The following MYH11 variants were observed in gnomAD, a reference collection of about 807,000 sequenced individuals.
MYH11 encodes the protein myosin-11.
A neutral mutation model predicts 246.6 loss-of-function variants in MYH11; 80 were observed. That is an observed-to-expected ratio of 0.32 (90% CI 0.27 to 0.39). The LOEUF (loss-of-function observed/expected upper bound fraction) is 0.39, where lower values mean the gene tolerates loss of function less well. MYH11 is among the 10% of genes least tolerant of loss of function. The pLI, the probability that MYH11 is intolerant of heterozygous loss-of-function variation, is 1.00. For missense variants in MYH11, 2,158 were observed against 2,546.8 expected (o/e 0.85, Z 3.29); for synonymous variants, 1,071 against 1,015.5 (o/e 1.05, Z -1.04).
chr16:15,763,760 C>CCAAAA, intron 10 of MYH11, 36 bp downstream of exon 10: 2 of 1,192,084 alleles, frequency 1.7e-6, no homozygotes, highest in Non-Finnish European at 2.5e-6. Context: ...CCCCCAACCC[C>CCAAAA]AAAGTCATTG....
rs777535864 is a variant in MYH11 at position 15,753,453 on chromosome 16, T to C, written c.1805A>G (p.Asn602Ser). The C allele has an allele frequency of 1.1e-5, 17 of 1,614,136 alleles. No individual in the cohort carries two copies. The highest frequency in any genetic ancestry group is 1.7e-5 in the Admixed American group (1 of 60,024). The change falls in exon 15 of 41, where the codon AAC becomes AGC. Residue 602 changes from asparagine to serine, a missense_variant. Transcript: ENST00000300036. ...GGAGGCATTGAGCAGGGAAGTCACG[T>C]TGTCATTCAGCGGGTCCATATTCTT... ...LTKNMDPLNDNVTSLLNASSD... is the reference protein window; with the variant it reads ...LTKNMDPLNDSVTSLLNASSD...
intron 16 of MYH11, chr16:15,749,157 T>G (rs1438876535): frequency 2.0e-5 from 3 of 151,280 alleles, no homozygotes. Flanking sequence ...TCCTTTTTTT[T>G]TTTTTTTTTT....
chr16:15,777,710 C>T (rs1434630454), intron 7 of MYH11, among the ~76,000 whole-genome samples: 3 of 152,060 alleles, frequency 2.0e-5, no homozygotes, highest in South Asian at 2.1e-4. Context: ...ATTGAGTTAA[C>T]GCAATAGCCA....
chr16:15,813,115 T>C (rs1417432028), intron 3 of MYH11, among the ~76,000 whole-genome samples: 4 of 151,280 alleles, frequency 2.6e-5, no homozygotes, highest in Non-Finnish European at 4.4e-5. Flanking sequence ...TGCAGTGAGC[T>C]GAGATCGTGC....
chr16:15,771,037 C>T (rs1459424445), intron 9 of MYH11, among the ~76,000 whole-genome samples: 1 of 151,814 alleles, frequency 6.6e-6, no homozygotes, highest in Non-Finnish European at 1.5e-5. Flanking sequence ...CTCCATCTCC[C>T]AAGCTGGAGT....
chr16:15,778,949 C>T, intron 6 of MYH11, 106 bp from the exon 7 acceptor site: 2 of 1,109,080 alleles, frequency 1.8e-6, no homozygotes, highest in Non-Finnish European at 2.8e-6. Flanking sequence ...GGAGGTGGGG[C>T]GGGGAGATTC....
intron 40 of MYH11, among the ~76,000 whole-genome samples, chr16:15,705,114 A>T (rs1035121430): frequency 1.3e-5 from 2 of 152,102 alleles, no homozygotes; most frequent in African/African-American, 4.8e-5. Flanking sequence ...AGTAGCTGGG[A>T]CTACATGCAC....
In MYH11 at chr16:15,758,108, C is replaced by G; in HGVS notation, c.1402-108G>C. 4 of 1,509,782 alleles carry G rather than the reference C, an allele frequency of 2.6e-6. No individual in the cohort carries two copies. The South Asian group carries it at 4.5e-5, about 17-fold the overall frequency. 93.5% of individuals were successfully genotyped at this position (1,509,782 alleles called of 1,614,324 possible). A position where few individuals can be genotyped will look rare whatever the true frequency, so the allele number is the denominator to read the frequency against. Reference sequence around the variant, plus strand: ...CAGCGCCCCCATGGCCCGCCCACATCCTGTTCTGCCATCCCAGCACCCAGA... The same window carrying G: ...CAGCGCCCCCATGGCCCGCCCACATGCTGTTCTGCCATCCCAGCACCCAGA... On this transcript the variant is annotated intron_variant, in intron 12 of 40. Coordinates refer to ENST00000300036, the MANE Select transcript of MYH11 (RefSeq NM_002474.3).
chr16:15,730,250 AG>A (rs2040920512), intron 27 of MYH11, among the ~76,000 whole-genome samples: 1 of 151,484 alleles, frequency 6.6e-6, no homozygotes, highest in African/African-American at 2.4e-5. Flanking sequence ...ACCCAATCTC[AG>A]GGTGGTGCAG....
Position 15,729,068 on chromosome 16 carries a change from C to T in MYH11, c.3652-2014G>A, listed in dbSNP as rs896838255. Among the ~76,000 whole-genome samples the T allele has an allele frequency of 7.2e-5, 11 of 151,944 alleles. No individual in the cohort carries two copies. The South Asian group carries it at 8.4e-4, about 12-fold the overall frequency. On this transcript the variant is annotated intron_variant, in intron 27 of 40. Coordinates refer to ENST00000300036, the MANE Select transcript of MYH11 (RefSeq NM_002474.3). ...CGTTGACCGGTCAGCCCTGGATGCC[C>T]GTCCTCCCTCCAAGACATGACTAAG...
chr16:15,710,481 A>G (rs1191771892), intron 40 of MYH11, among the ~76,000 whole-genome samples: 2 of 152,118 alleles, frequency 1.3e-5, no homozygotes, highest in Non-Finnish European at 2.9e-5. Flanking sequence ...AGATCGCGCC[A>G]CTGCACTCCA....
chr16:15,741,881 A>C lies in MYH11; in HGVS notation c.2531T>G (p.Leu844Arg). The C allele has an allele frequency of 6.2e-7, 1 of 1,614,212 alleles. No individual in the cohort carries two copies. The highest frequency in any genetic ancestry group is 8.5e-7 in the Non-Finnish European group (1 of 1,180,034). The change falls in exon 21 of 41, where the codon CTG (leucine) becomes CGG (arginine). Residue 844 changes from leucine (L) to arginine (R), a missense_variant. Physicochemically the swap from Leu to Arg is moderately radical, Grantham distance 102 (BLOSUM62 -2). Coordinates refer to ENST00000300036, the MANE Select transcript of MYH11 (RefSeq NM_002474.3). Reference protein sequence around the residue: ...WWRLFTKVKPLLQVTRQEEEM... With the variant: ...WWRLFTKVKPRLQVTRQEEEM... ...CTCCTCCTGCCGTGTCACCTGCAGC[A>C]GTGGCTTCACCTGCACACACACGGT...
chr16:15,764,135 C>T (rs1567740303), intron 9 of MYH11, among the ~76,000 whole-genome samples: 1 of 152,154 alleles, frequency 6.6e-6, no homozygotes, highest in African/African-American at 2.4e-5. Flanking sequence ...TGCTATTATA[C>T]ATAAAGTTTT....
At chr16:15,829,202 A>G (rs183331791) in intron 2 of MYH11, among the ~76,000 whole-genome samples, 1 of 152,178 alleles carries the variant, frequency 6.6e-6, no homozygotes, top group Admixed American at 6.6e-5. Flanking sequence ...AAAAAAGAAT[A>G]AAATGAATTT....
At chr16:15,723,941 G>GA (rs1273146996) in intron 31 of MYH11, among the ~76,000 whole-genome samples, 1 of 152,226 alleles carries the variant, frequency 6.6e-6, no homozygotes, top group African/African-American at 2.4e-5. Flanking sequence ...CTGGTACCCA[G>GA]AAAAGTCACA....
At chr16:15,852,193 A>T (rs536328813) in intron 1 of MYH11, among the ~76,000 whole-genome samples, 2 of 152,252 alleles carry the variant, frequency 1.3e-5, no homozygotes, top group South Asian at 4.1e-4. Flanking sequence ...ATGCCTGATG[A>T]TGAGGTGGGA....
Position 15,726,955 on chromosome 16 carries a change from C to T in MYH11, c.3751G>A (p.Glu1251Lys). Reference protein sequence around the residue: ...RVLGQAKQEVEHKKKKLEAQV... With the variant: ...RVLGQAKQEVKHKKKKLEAQV... ...GCCTCCAGCTTCTTCTTCTTATGTT[C>T]CACCTCCTGCTTGGCCTGGCCCAGG... is the stretch of plus-strand genomic sequence containing the variant. Residue 1251 changes from glutamate (E) to lysine (K), a missense_variant, in exon 28 of 41, where the codon GAA (glutamate) becomes AAA (lysine). Glu to Lys is a moderately conservative substitution (Grantham distance 56). This residue lies in a region of MYH11 where 1,013 missense variants were observed against 993.5 expected (regional missense o/e 1.02). Transcript: ENST00000300036. 6.2e-7 allele frequency: 1 copy of T among 1,613,534 alleles called. No homozygotes were observed. The highest frequency in any genetic ancestry group is 8.5e-7 in the Non-Finnish European group (1 of 1,180,008).
intron 1 of MYH11, among the ~76,000 whole-genome samples, chr16:15,840,044 C>G (rs1420846473): frequency 3.3e-5 from 5 of 151,712 alleles, no homozygotes; most frequent in Admixed American, 3.3e-4. Context: ...GAGTGAGACG[C>G]TGTCTCAAAA....
At chr16:15,821,326 T>C (rs976111331) in intron 3 of MYH11, among the ~76,000 whole-genome samples, 2 of 152,196 alleles carry the variant, frequency 1.3e-5, no homozygotes, top group African/African-American at 4.8e-5. Context: ...CTTCATTTCA[T>C]GCCATTTAGT....
Sources: allele counts gnomAD v4.1 joint callset (sites outside exome capture counted in the v4.1 genomes callset), GRCh38; gene constraint gnomAD v4.1.1; regional missense constraint gnomAD v4.1.1; transcripts MANE v1.5; gene names NCBI Gene and HGNC (gene_info 2026-07-23, HGNC 2026-07-21).